The following FHIT variants were observed in gnomAD, a reference collection of about 807,000 sequenced individuals.
FHIT encodes the protein bis(5'-adenosyl)-triphosphatase.
FHIT carries 19 observed loss-of-function variants against 17.9 expected under a neutral mutation model. The observed-to-expected ratio is 1.06, with a 90% CI of 0.74 to 1.56. The LOEUF (loss-of-function observed/expected upper bound fraction) is 1.56, where lower values mean the gene tolerates loss of function less well. Among genes scored for constraint, FHIT ranks in the 40% most tolerant of loss-of-function variants. The pLI, the probability that FHIT is intolerant of heterozygous loss-of-function variation, is 0.00. For missense variants in FHIT, 248 were observed against 189.2 expected (o/e 1.31, Z -1.82); for synonymous variants, 81 against 69.7 (o/e 1.16, Z -0.81).
intron 3 of FHIT, among the ~76,000 whole-genome samples, chr3:60,923,409 CTG>C (rs1707390065): frequency 6.6e-6 from 1 of 152,144 alleles, no homozygotes; most frequent in African/African-American, 2.4e-5. Context: ...CACAGGGCTA[CTG>C]TGAGGATGAA....
At chr3:59,946,227 AG>A (rs1342051856) in intron 7 of FHIT, among the ~76,000 whole-genome samples, 3 of 152,180 alleles carry the variant, frequency 2.0e-5, no homozygotes, top group African/African-American at 4.8e-5. Context: ...CTCAATGTAA[AG>A]ATCTTTCACC....
At chr3:60,864,713 T>A (rs1413904482) in intron 3 of FHIT, among the ~76,000 whole-genome samples, 1 of 152,174 alleles carries the variant, frequency 6.6e-6, no homozygotes, top group Non-Finnish European at 1.5e-5. Flanking sequence ...TTCAAGAGCA[T>A]GATACGGTAA....
rs116342736 is a variant in FHIT, at chr3:60,640,157, C to T, written c.-17-103178G>A. ...ACAGAAGGAAATGTCCACAGTGTGG[C>T]ACAAGGAAAGTTTTAGGGGTGGCAG... On this transcript the variant is annotated intron_variant, in intron 4 of 9. Coordinates refer to ENST00000492590, the MANE Select transcript of FHIT (RefSeq NM_002012.4). Among the ~76,000 whole-genome samples the T allele has an allele frequency of 6.4e-3, 978 of 152,268 alleles. 15 individuals carry two copies. The highest frequency in any genetic ancestry group is 0.022 in the African/African-American group (927 of 41,546).
At chr3:60,975,779 A>G (rs1164556941) in intron 3 of FHIT, among the ~76,000 whole-genome samples, 2 of 152,194 alleles carry the variant, frequency 1.3e-5, no homozygotes, top group Non-Finnish European at 2.9e-5. Context: ...CATATTTTCT[A>G]TTCTATATAA....
Position 60,708,920 on chromosome 3 carries a change from A to G in FHIT, c.-18+112999T>C, listed in dbSNP as rs2041444623. Among the ~76,000 whole-genome samples the G allele has an allele frequency of 2.0e-5, 3 of 152,170 alleles. No individual in the cohort carries two copies. The South Asian group carries it at 6.2e-4, about 32-fold the overall frequency. On this transcript the variant is annotated intron_variant, in intron 4 of 9. Coordinates refer to ENST00000492590, the MANE Select transcript of FHIT (RefSeq NM_002012.4). ...CTAGTAACATTTGTAAACTTCTTCA[A>G]CCACAAATTATTCCTGCTTTATATT...
chr3:60,648,385 C>T (rs534208836), intron 4 of FHIT, among the ~76,000 whole-genome samples: 3 of 152,128 alleles, frequency 2.0e-5, no homozygotes, highest in African/African-American at 7.2e-5. Context: ...ACTCATGATG[C>T]CAGCTTAAAC....
rs9869159 is a variant in FHIT at position 59,758,636 on chromosome 3, T to C, written c.349-6315A>G. Among the ~76,000 whole-genome samples the C allele has an allele frequency of 4.6e-3, 704 of 152,316 alleles. 11 individuals are homozygous for C. Among genetic ancestry groups the C allele is most frequent in the African/African-American group, 0.016 (672 of 41,572 alleles). ...AGAGAAAGAGAAGAGCCATCCAGAC[T>C]GGCTAGAATATAATAAGATTGTTTT... On this transcript the variant is annotated intron_variant, in intron 8 of 9. Transcript: ENST00000492590.
chr3:60,673,465 T>C (rs1234980322), intron 4 of FHIT, among the ~76,000 whole-genome samples: 1 of 151,310 alleles, frequency 6.6e-6, no homozygotes, highest in Non-Finnish European at 1.5e-5. Context: ...AGCTGACCAA[T>C]GAGAACACAT....
At chr3:60,037,003 G>C (rs1400730148) in intron 5 of FHIT, among the ~76,000 whole-genome samples, 1 of 152,198 alleles carries the variant, frequency 6.6e-6, no homozygotes, top group Admixed American at 6.5e-5. Flanking sequence ...TCCAACATGA[G>C]AAGAAGGAAG....
intron 3 of FHIT, among the ~76,000 whole-genome samples, chr3:61,015,418 C>T (rs953449585): frequency 1.3e-5 from 2 of 152,026 alleles, no homozygotes; most frequent in Admixed American, 1.3e-4. Context: ...GCTCTGAAGC[C>T]CACAGTCACT....
chr3:60,747,830 T>TG (rs2042389596), intron 4 of FHIT, among the ~76,000 whole-genome samples: 7 of 152,212 alleles, frequency 4.6e-5, no homozygotes, highest in African/African-American at 1.7e-4. Flanking sequence ...TTCAAGGTTA[T>TG]ATAATCAGCA....
chr3:60,006,760 TGCC>T (rs1699941886), intron 7 of FHIT, among the ~76,000 whole-genome samples: 1 of 152,048 alleles, frequency 6.6e-6, no homozygotes, highest in Non-Finnish European at 1.5e-5. Flanking sequence ...GAACCTCTGA[TGCC>T]AAAGTATGTT....
chr3:59,919,696 T>C (rs1267378075), intron 8 of FHIT, among the ~76,000 whole-genome samples: 2 of 152,226 alleles, frequency 1.3e-5, no homozygotes, highest in African/African-American at 4.8e-5. Flanking sequence ...TTACATTTTA[T>C]GGAGCTCAGT....
At chr3:60,466,442 T>G (rs1292570142) in intron 5 of FHIT, among the ~76,000 whole-genome samples, 1 of 152,058 alleles carries the variant, frequency 6.6e-6, no homozygotes, top group African/African-American at 2.4e-5. Flanking sequence ...GTGAGCATGT[T>G]TGTCTCATTT....
chr3:60,470,991 G>C (rs895334443), intron 5 of FHIT, among the ~76,000 whole-genome samples: 4 of 152,152 alleles, frequency 2.6e-5, no homozygotes, highest in Non-Finnish European at 4.4e-5. Context: ...TCCAGCTCAG[G>C]GTATGTTTAG....
At chr3:60,064,590 T>C (rs929270399) in intron 5 of FHIT, among the ~76,000 whole-genome samples, 1 of 152,162 alleles carries the variant, frequency 6.6e-6, no homozygotes, top group African/African-American at 2.4e-5. Context: ...TCTAGAGCTG[T>C]CATAGCTATA....
chr3:60,953,927 TC>T (rs1168179774), intron 3 of FHIT, among the ~76,000 whole-genome samples: 1 of 152,180 alleles, frequency 6.6e-6, no homozygotes, highest in Non-Finnish European at 1.5e-5. Flanking sequence ...TGTTTTCAGT[TC>T]CTTTAAAAAC....
chr3:59,940,883 T>C (rs1301458321), intron 7 of FHIT, among the ~76,000 whole-genome samples: 1 of 152,208 alleles, frequency 6.6e-6, no homozygotes, highest in African/African-American at 2.4e-5. Flanking sequence ...TCTGCTCAAG[T>C]GTTACTTCCA....
intron 8 of FHIT, among the ~76,000 whole-genome samples, chr3:59,823,685 A>G (rs1700876131): frequency 6.6e-6 from 1 of 152,204 alleles, no homozygotes; most frequent in Non-Finnish European, 1.5e-5. Flanking sequence ...ATCGGCATAT[A>G]AGGGGCATAC....
Sources: gnomAD v4.1 joint callset for allele counts (sites outside exome capture counted in the v4.1 genomes callset) on GRCh38, gnomAD v4.1.1 for gene constraint, MANE v1.5 for transcripts, NCBI Gene and HGNC (gene_info 2026-07-23, HGNC 2026-07-21) for gene names.